SH2B1: variants seen among roughly 807,000 people sequenced by gnomAD.
SH2B1 encodes the protein SH2B adapter protein 1.
SH2B1 carries 15 observed loss-of-function variants against 62.6 expected under a neutral mutation model. That is an observed-to-expected ratio of 0.24 (90% CI 0.16 to 0.37). The LOEUF (loss-of-function observed/expected upper bound fraction) is 0.37, where lower values mean the gene tolerates loss of function less well. Ranked by LOEUF, SH2B1 falls within the 10% of genes least tolerant of loss-of-function variation. SH2B1 has a pLI of 1.00. For synonymous variants in SH2B1, 443 were observed against 438.0 expected (o/e 1.01, Z -0.14); for missense variants, 925 against 1,015.6 (o/e 0.91, Z 1.21).
Position 28,865,565 on chromosome 16 carries a change from C to G in SH2B1, c.-530C>G, listed in dbSNP as rs1962639140. 2.2e-5 allele frequency: 22 copies of G among 985,532 alleles called. No individual in the cohort carries two copies. Among genetic ancestry groups the G allele is most frequent in the Non-Finnish European group, 2.3e-5 (19 of 830,068 alleles). The allele number at this position is 985,532 out of a possible 1,614,324, so 61.0% of individuals were successfully genotyped here. ...AAACAGTAGACTTGGAGTTCTGAAA[C>G]TTTTCTGAGCTTCGGTTTCCTCATC... is the stretch of plus-strand genomic sequence containing the variant. On this transcript the variant is annotated 5_prime_UTR_variant, in exon 1 of 8. Transcript: ENST00000684370.
chr16:28,863,593 G>T, upstream of SH2B1: 2 of 1,312,184 alleles, frequency 1.5e-6, no homozygotes, highest in Admixed American at 2.1e-5. Flanking sequence ...TCGCCCCTTT[G>T]TCCCGAATTT....
At chr16:28,863,759 G>A (rs941451544), upstream of SH2B1, 19 of 1,535,742 alleles carry the variant, frequency 1.2e-5, no homozygotes, top group Admixed American at 2.0e-5. Flanking sequence ...GCGGAAGTAA[G>A]TATGAAGGTG....
At chr16:28,857,858 G>A (rs1023371235) in intron 1 of SH2B1, among the ~76,000 whole-genome samples, 2 of 151,696 alleles carry the variant, frequency 1.3e-5, no homozygotes, top group Non-Finnish European at 2.9e-5. Flanking sequence ...TCCTGCCTCA[G>A]ACTCCCGAGT....
chr16:28,854,763 TAAC>T (rs1375014074), intron 1 of SH2B1, among the ~76,000 whole-genome samples: 2 of 152,044 alleles, frequency 1.3e-5, no homozygotes, highest in African/African-American at 2.4e-5. Context: ...CTCAAAATAA[TAAC>T]GACAATAATA....
chr16:28,866,610 G>C lies in SH2B1; in HGVS notation c.516G>C (p.Trp172Cys). Residue 172 changes from tryptophan (W) to cysteine (C), a missense_variant, in exon 1 of 8, where the codon TGG (tryptophan) becomes TGC (cysteine). Around this residue, in one of 3 missense-constraint regions of SH2B1, gnomAD observed 683 missense variants for 704.0 expected, o/e 0.97. Transcript: ENST00000684370. This position sits in a 1 kb window ranked among gnomAD's most constrained non-coding sequence, Gnocchi z 6.3. ...VRGSVRGILQWRGTVDPPSSA... is the reference protein window; with the variant it reads ...VRGSVRGILQCRGTVDPPSSA... ...GCTCAGTCCGTGGCATCCTGCAGTGGCGGGGGACCGTTGACCCTCCCTCCT... is the reference window on the plus strand; with the variant it reads ...GCTCAGTCCGTGGCATCCTGCAGTGCCGGGGGACCGTTGACCCTCCCTCCT... 6.2e-7 allele frequency: 1 copy of C among 1,613,928 alleles called. No individual in the cohort carries two copies. Among genetic ancestry groups the C allele is most frequent in the Non-Finnish European group, 8.5e-7 (1 of 1,180,026 alleles).
Position 28,852,830 on chromosome 16 carries a change from A to ATATATATTTACATATATATT in SH2B1, c.-301+6010_-301+6011insTTACATATATATTTATATAT, listed in dbSNP as rs1567459274. Among the ~76,000 whole-genome samples, 19 of 10,730 alleles carry ATATATATTTACATATATATT rather than the reference A, an allele frequency of 1.8e-3. 3 individuals are homozygous for ATATATATTTACATATATATT. The highest frequency in any genetic ancestry group is 0.016 in the East Asian group (3 of 186). The allele number at this position is 10,730 out of a possible 152,430, so 7.0% of individuals were successfully genotyped here. A position where few individuals can be genotyped will look rare whatever the true frequency, so the allele number is the denominator to read the frequency against. ...TTTACATATATTTACATATATATTT[A>ATATATATTTACATATATATT]TATATATATACATATATATATTTTT... On this transcript the variant is annotated intron_variant, in intron 1 of 10. Transcript: ENST00000322610.
chr16:28,872,508 C>T lies in SH2B1; in HGVS notation c.1726-26C>T. The T allele has an allele frequency of 6.3e-7, 1 of 1,596,932 alleles. No homozygotes were observed. Among genetic ancestry groups the T allele is most frequent in the Non-Finnish European group, 8.6e-7 (1 of 1,169,030 alleles). ...TACCTGGCAGGGCCTTTGCCTCCTA[C>T]CTCACCTCCCCCATCCCGCCCTCAG... On this transcript the variant is annotated intron_variant, in intron 6 of 7. Transcript: ENST00000684370. The surrounding 1 kb of genome is among the most constrained non-coding windows in gnomAD (Gnocchi z 5.3).
Position 28,872,707 on chromosome 16 carries a change from TGAGCAGAGC to T in SH2B1, c.1897+3_1897+11del. On this transcript the variant is annotated splice_donor_5th_base_variant and intron_variant, in intron 7 of 7. Transcript: ENST00000684370. This position sits in a 1 kb window ranked among gnomAD's most constrained non-coding sequence, Gnocchi z 5.3. The stretch of plus-strand genomic sequence containing the variant: ...TCCCATCCTCCCAGCGACAGCAGGG[TGAGCAGAGC>T]AGGTCTGCAGGGGAGGAGGTGCCCG... 1 of 1,613,964 alleles carries T rather than the reference TGAGCAGAGC, an allele frequency of 6.2e-7. No homozygotes were observed. Among genetic ancestry groups the T allele is most frequent in the Non-Finnish European group, 8.5e-7 (1 of 1,179,992 alleles).
intron 1 of SH2B1, among the ~76,000 whole-genome samples, chr16:28,847,832 T>TC (rs1205407804): frequency 2.9e-5 from 4 of 138,652 alleles, no homozygotes; most frequent in Non-Finnish European, 6.3e-5. Context: ...TTTTTTTTTT[T>TC]TTTTTTTTTT....
In SH2B1 at chr16:28,866,027, C is replaced by A; in HGVS notation, c.-68C>A. On this transcript the variant is annotated 5_prime_UTR_variant, in exon 1 of 8. Transcript: ENST00000684370. This position sits in a 1 kb window ranked among gnomAD's most constrained non-coding sequence, Gnocchi z 6.3. Reference sequence around the variant, plus strand: ...CCTTTCGCAGCTGCTGCCGCCCACCCCTCGTCTTCTGGCTGCCTCCCTCTT... The same window carrying A: ...CCTTTCGCAGCTGCTGCCGCCCACCACTCGTCTTCTGGCTGCCTCCCTCTT... The A allele has an allele frequency of 6.7e-7, 1 of 1,503,084 alleles. No homozygotes were observed. Among genetic ancestry groups the A allele is most frequent in the South Asian group, 1.3e-5 (1 of 75,350 alleles). 93.1% of individuals were successfully genotyped at this position (1,503,084 alleles called of 1,614,324 possible).
In SH2B1 at chr16:28,852,700, A is replaced by ATT. The variant is rs375990735; in HGVS notation, c.-301+5874_-301+5875insTT. Among the ~76,000 whole-genome samples, 3 of 47,878 alleles carry ATT rather than the reference A, an allele frequency of 6.3e-5. 1 individual carries two copies. The highest frequency in any genetic ancestry group is 1.4e-4 in the Non-Finnish European group (3 of 21,094). The allele number at this position is 47,878 out of a possible 152,430, so 31.4% of individuals were successfully genotyped here. On this transcript the variant is annotated intron_variant, in intron 1 of 10. Coordinates refer to the SH2B1 transcript ENST00000322610. ...TATATTTACATATATATTTATATAT[A>ATT]TACATATATATTTACATATATATTT...
In SH2B1 at chr16:28,873,640, G is replaced by A. The variant is rs969999842; in HGVS notation, c.2091G>A (p.Glu697=). 2.5e-5 allele frequency: 38 copies of A among 1,535,952 alleles called. No individual in the cohort carries two copies. The African/African-American group carries it at 4.6e-4, about 18-fold the overall frequency. ...GVPEELVPVV[E]LVPVVELEEA... ...CGGAAGAGCTGGTCCCCGTGGTTGA[G>A]CTGGTCCCCGTGGTTGAATTGGAAG... is the stretch of plus-strand genomic sequence containing the variant. Residue 697 remains glutamate (E), a synonymous_variant, in exon 8 of 8, where the codon GAG becomes GAA. Transcript: ENST00000684370. The surrounding 1 kb of genome is among the most constrained non-coding windows in gnomAD (Gnocchi z 4.2).
rs1247021615 is a variant in SH2B1 at position 28,873,770 on chromosome 16, G to A, written c.2221G>A (p.Glu741Lys). 6.8e-7 allele frequency: 1 copy of A among 1,471,126 alleles called. No homozygotes were observed. The highest frequency in any genetic ancestry group is 1.4e-5 in the African/African-American group (1 of 70,102). The allele number at this position is 1,471,126 out of a possible 1,614,324, so 91.1% of individuals were successfully genotyped here. ...GCAGTCACCACTAGGGGGTGATGGA[G>A]AGGAAGGGGGCCACCCCAGGGCCAT... ...LQQSPLGGDG[E>K]EGGHPRAINN... The change falls in exon 8 of 8, where the codon GAG (glutamate) becomes AAG (lysine). Residue 741 changes from glutamate to lysine, a missense_variant. Glu to Lys is a moderately conservative substitution (Grantham distance 56). This residue lies in a region of SH2B1 where 185 missense variants were observed against 189.5 expected (regional missense o/e 0.98). Coordinates refer to ENST00000684370, the MANE Select transcript of SH2B1 (RefSeq NM_001387430.1). This position sits in a 1 kb window ranked among gnomAD's most constrained non-coding sequence, Gnocchi z 4.2.
chr16:28,869,640 C>T (rs939157342), intron 4 of SH2B1, among the ~76,000 whole-genome samples: 1 of 152,174 alleles, frequency 6.6e-6, no homozygotes, highest in Admixed American at 6.5e-5. Context: ...CTTTTTCAGT[C>T]AGCGTCCTGC....
At chr16:28,870,994 C>CGTGTGTGT (rs35079060) in intron 4 of SH2B1, among the ~76,000 whole-genome samples, 116 of 141,540 alleles carry the variant, frequency 8.2e-4, no homozygotes, top group African/African-American at 9.1e-4. Context: ...GCCAGAATTC[C>CGTGTGTGT]GTGTGTGTGT....
In SH2B1 at chr16:28,865,879, T is replaced by G; in HGVS notation, c.-216T>G. The G allele has an allele frequency of 1.1e-5, 14 of 1,317,208 alleles. No homozygotes were observed. In the South Asian group the frequency reaches 1.1e-4, roughly 11 times the overall value. 81.6% of individuals were successfully genotyped at this position (1,317,208 alleles called of 1,614,324 possible). The stretch of plus-strand genomic sequence containing the variant: ...CAGGATCTGGGAGAGGGAAGGGAGG[T>G]GTTGGGCTCCCTTCCCCATTGCTCT... On this transcript the variant is annotated 5_prime_UTR_variant, in exon 1 of 8. Transcript: ENST00000684370.
intron 2 of SH2B1, among the ~76,000 whole-genome samples, chr16:28,868,178 C>T (rs939831095): frequency 3.3e-5 from 5 of 150,242 alleles, no homozygotes; most frequent in African/African-American, 4.9e-5. Flanking sequence ...CTCGCTCTGT[C>T]GCCCAGGCTG....
At chr16:28,850,901 G>C (rs1321848896) in intron 1 of SH2B1, among the ~76,000 whole-genome samples, 1 of 149,428 alleles carries the variant, frequency 6.7e-6, no homozygotes, top group Admixed American at 6.7e-5. Context: ...AGGGCCGGAC[G>C]TGGTGGCTCA....
chr16:28,860,697 A>G (rs1402839663), upstream of SH2B1, among the ~76,000 whole-genome samples: 2 of 152,000 alleles, frequency 1.3e-5, no homozygotes, highest in Admixed American at 6.6e-5. Context: ...GGATCCCTTT[A>G]TATCATTTGT....
Sources: allele counts gnomAD v4.1 joint callset (sites outside exome capture counted in the v4.1 genomes callset), GRCh38; gene constraint gnomAD v4.1.1; regional missense constraint gnomAD v4.1.1; non-coding constraint Gnocchi (gnomAD v3.1); transcripts MANE v1.5; gene names NCBI Gene and HGNC (gene_info 2026-07-23, HGNC 2026-07-21).